Variants in LY96 observed in about 807,000 individuals in gnomAD.
LY96 encodes myeloid differentiation protein-2.
In LY96, 18 loss-of-function variants were observed where a neutral mutation model predicts 18.9. The observed-to-expected ratio is 0.95, with a 90% confidence interval of 0.66 to 1.41. The LOEUF (loss-of-function observed/expected upper bound fraction) is 1.41, where lower values mean the gene tolerates loss of function less well. LY96 is among the 40% of genes most tolerant of loss of function. The pLI is 0.00. For missense variants in LY96, 175 were observed against 182.4 expected (o/e 0.96, Z 0.23); for synonymous variants, 66 against 62.6 (o/e 1.06, Z -0.26).
the LY96 span, among the ~76,000 whole-genome samples, chr8:74,067,057 A>G: frequency 1.6e-4 from 24 of 152,232 alleles, no homozygotes; most frequent in African/African-American, 4.6e-4. Context: ...CGTCCTTGTG[A>G]CTCATGTAGC....
In LY96 at chr8:73,994,496, G is replaced by C. The variant is rs562618555; in HGVS notation, c.112+2942G>C. On this transcript the variant is annotated intron_variant, in intron 1 of 4. Coordinates refer to ENST00000284818, the MANE Select transcript of LY96 (RefSeq NM_015364.5). ...CAAGCTGCTGGGCATCTAAGTGTAT[G>C]TTTTTTTAAACACAGAGTCTTGCTC... Among the ~76,000 whole-genome samples the C allele has an allele frequency of 2.0e-5, 3 of 152,028 alleles. No homozygotes were observed. In the South Asian group the frequency reaches 6.2e-4, roughly 32 times the overall value.
chr8:74,087,610 C>A, the LY96 span, among the ~76,000 whole-genome samples: 1 of 152,284 alleles, frequency 6.6e-6, no homozygotes, highest in East Asian at 1.9e-4. Flanking sequence ...CGTAAAGGGC[C>A]TCAAACATGT....
chr8:74,022,477 A>G (rs1466865701), intron 3 of LY96, among the ~76,000 whole-genome samples: 1 of 151,350 alleles, frequency 6.6e-6, no homozygotes, highest in Non-Finnish European at 1.5e-5. Context: ...CAAAAAAAAA[A>G]GGGTTCTATC....
At chr8:74,004,695 A>G in intron 1 of LY96, 101 bp from the exon 2 acceptor site, 1 of 1,129,504 alleles carries the variant, frequency 8.9e-7, no homozygotes, top group African/African-American at 1.6e-5. Context: ...TTATTTTATA[A>G]TTTTAATGCA....
chr8:74,006,938 A>G (rs138642536), intron 2 of LY96, among the ~76,000 whole-genome samples: 2,108 of 152,334 alleles, frequency 0.014, 20 homozygotes, highest in Admixed American at 0.02. Flanking sequence ...CTTGGAGGAA[A>G]CGCTTGTGAA....
intron 3 of LY96, among the ~76,000 whole-genome samples, chr8:74,020,246 A>G (rs907200680): frequency 2.0e-5 from 3 of 152,240 alleles, no homozygotes; most frequent in Non-Finnish European, 4.4e-5. Context: ...ATAATGTGCA[A>G]AAATCACAAG....
At chr8:74,075,493 A>G in the LY96 span, among the ~76,000 whole-genome samples, 13 of 152,012 alleles carry the variant, frequency 8.6e-5, no homozygotes, top group Middle Eastern at 3.4e-3. Context: ...CTATTCTCAA[A>G]CTCCTGGCTT....
In LY96 at chr8:74,004,785, A is replaced by G. The variant is rs1816375453; in HGVS notation, c.113-11A>G. On this transcript the variant is annotated splice_polypyrimidine_tract_variant and intron_variant, in intron 1 of 4. Transcript: ENST00000284818. ...GTAGTAATTTATTGACATTATCTTT[A>G]TTGCTTTTAGATAAAATGCAATACC... The G allele has an allele frequency of 1.3e-6, 2 of 1,551,036 alleles. No individual in the cohort carries two copies. The highest frequency in any genetic ancestry group is 1.8e-6 in the Non-Finnish European group (2 of 1,126,080).
chr8:74,090,789 T>G, the LY96 span, among the ~76,000 whole-genome samples: 1 of 152,202 alleles, frequency 6.6e-6, no homozygotes, highest in Non-Finnish European at 1.5e-5. Context: ...CTCCAGCAAT[T>G]TGGTAGGACT....
chr8:74,013,780 A>G (rs1175418534), intron 3 of LY96, among the ~76,000 whole-genome samples: 1 of 152,132 alleles, frequency 6.6e-6, no homozygotes, highest in East Asian at 1.9e-4. Context: ...TTTGGAGAGT[A>G]GTTTTTTTGT....
the LY96 span, among the ~76,000 whole-genome samples, chr8:74,088,985 T>C: frequency 1.3e-5 from 2 of 152,124 alleles, no homozygotes; most frequent in Non-Finnish European, 2.9e-5. Flanking sequence ...ATCTTGCTGG[T>C]GGGGAATTCC....
the LY96 span, among the ~76,000 whole-genome samples, chr8:74,068,383 T>G: frequency 6.6e-6 from 1 of 152,186 alleles, no homozygotes; most frequent in Non-Finnish European, 1.5e-5. Context: ...TTGACAGACA[T>G]TTGGATAGTC....
chr8:74,054,520 T>TTTCCTTCCTTCCTTCCTTCCTTCCTTCC, the LY96 span, among the ~76,000 whole-genome samples: 59 of 118,416 alleles, frequency 5.0e-4, no homozygotes, highest in African/African-American at 1.7e-3. Flanking sequence ...TTTTCTTTCT[T>TTTCCTTCCTTCCTTCCTTCCTTCCTTCC]TTCCTTCCTT....
chr8:74,059,432 T>G, the LY96 span, among the ~76,000 whole-genome samples: 2 of 152,242 alleles, frequency 1.3e-5, no homozygotes, highest in African/African-American at 4.8e-5. Context: ...TGGGGATTTC[T>G]CTATCAGATA....
chr8:73,995,938 C>T (rs894173070), intron 1 of LY96, among the ~76,000 whole-genome samples: 1 of 152,044 alleles, frequency 6.6e-6, no homozygotes, highest in Non-Finnish European at 1.5e-5. Context: ...AAAAATAAGG[C>T]TGGGGGATGC....
intron 4 of LY96, among the ~76,000 whole-genome samples, chr8:74,027,325 T>C (rs1816892291): frequency 6.6e-6 from 1 of 151,770 alleles, no homozygotes; most frequent in East Asian, 1.9e-4. Context: ...TTTTTTTTTT[T>C]TTTAACTGAG....
At chr8:74,089,124 T>C in the LY96 span, among the ~76,000 whole-genome samples, 1 of 152,174 alleles carries the variant, frequency 6.6e-6, no homozygotes, top group African/African-American at 2.4e-5. Flanking sequence ...ACCTCTCATA[T>C]ACCTCAGGGG....
chr8:74,016,608 G>A (rs891556823), intron 3 of LY96, among the ~76,000 whole-genome samples: 7 of 152,190 alleles, frequency 4.6e-5, no homozygotes, highest in Non-Finnish European at 7.3e-5. Context: ...ACACCTCCTA[G>A]TAGGGGCTTA....
chr8:74,027,847 TTTAC>T lies in LY96; in HGVS notation c.384+1010_384+1013del, dbSNP rs1305592162. On this transcript the variant is annotated intron_variant, in intron 4 of 4. Coordinates refer to ENST00000284818, the MANE Select transcript of LY96 (RefSeq NM_015364.5). ...GACCTTCATCTGGAGCCTCAGGAACTTTACTTAATCTAAATGGGTCTGGGTGCTG... is the reference window on the plus strand; with the variant it reads ...GACCTTCATCTGGAGCCTCAGGAACTTTAATCTAAATGGGTCTGGGTGCTG... Among the ~76,000 whole-genome samples, 17 of 152,300 alleles carry T rather than the reference TTTAC, an allele frequency of 1.1e-4. No individual in the cohort carries two copies. In the East Asian group the frequency reaches 3.1e-3, roughly 28 times the overall value.
Sources: gnomAD v4.1 joint callset for allele counts (sites outside exome capture counted in the v4.1 genomes callset) on GRCh38, gnomAD v4.1.1 for gene constraint, MANE v1.5 for transcripts, NCBI Gene and HGNC (gene_info 2026-07-23, HGNC 2026-07-21) for gene names.